PIP5K1C: variants seen among roughly 807,000 people sequenced by gnomAD.
PIP5K1C encodes phosphatidylinositol-4-phosphate 5-kinase type 1 gamma.
PIP5K1C carries 45 observed loss-of-function variants against 80.1 expected under a neutral mutation model. That is an observed-to-expected ratio of 0.56 (90% CI 0.44 to 0.72). PIP5K1C has a LOEUF of 0.72. PIP5K1C is among the 30% of genes least tolerant of loss of function. The probability of loss-of-function intolerance (pLI) is 0.00; values close to 1 mark genes in which losing one functional copy is unlikely to be tolerated. For missense variants in PIP5K1C, 753 were observed against 954.6 expected, an observed-to-expected ratio of 0.79 and a Z score of 2.78; for synonymous variants, 498 against 420.1, an observed-to-expected ratio of 1.19 and a Z score of -2.27.
chr19:3,673,261 C>T (rs1039249770), intron 1 of PIP5K1C, among the ~76,000 whole-genome samples: 4 of 152,262 alleles, frequency 2.6e-5, no homozygotes, highest in Admixed American at 6.5e-5. Flanking sequence ...GATTCCCTCA[C>T]GGTTTGTTCC....
At chr19:3,663,699 G>A (rs1299487037) in intron 3 of PIP5K1C, among the ~76,000 whole-genome samples, 4 of 152,206 alleles carry the variant, frequency 2.6e-5, no homozygotes, top group Admixed American at 2.6e-4. Flanking sequence ...TCACACCCAT[G>A]AGGACGCCAG....
At chr19:3,636,435 C>A (rs1173438020) in intron 16 of PIP5K1C, 14 of 985,338 alleles carry the variant, frequency 1.4e-5, no homozygotes, top group Non-Finnish European at 1.2e-6. Flanking sequence ...CCACCCTCCC[C>A]ACGTCTGCCC....
chr19:3,639,225 A>G (rs931581244), intron 15 of PIP5K1C, among the ~76,000 whole-genome samples: 1 of 152,164 alleles, frequency 6.6e-6, no homozygotes, highest in Non-Finnish European at 1.5e-5. Context: ...TGGCCCCAGG[A>G]GTGACCTGGA....
Position 3,637,888 on chromosome 19 carries a change from G to A in PIP5K1C, c.1920+996C>T, listed in dbSNP as rs923928447. 13 of 1,535,256 alleles carry A rather than the reference G, an allele frequency of 8.5e-6. No individual in the cohort carries two copies. In the African/African-American group the frequency reaches 1.4e-4, roughly 16 times the overall value. On this transcript the variant is annotated intron_variant, in intron 16 of 17. Transcript: ENST00000335312. The surrounding 1 kb of genome is among the most constrained non-coding windows in gnomAD (Gnocchi z 7.0). ...CCCCGTACCATCCGGAGACCAGGACGCGCACAAACCAGTCCCAGGAAAAGG... is the reference window on the plus strand; with the variant it reads ...CCCCGTACCATCCGGAGACCAGGACACGCACAAACCAGTCCCAGGAAAAGG...
At chr19:3,697,713 C>T (rs1179487516) in intron 1 of PIP5K1C, among the ~76,000 whole-genome samples, 1 of 152,134 alleles carries the variant, frequency 6.6e-6, no homozygotes, top group Non-Finnish European at 1.5e-5. Context: ...GGGGCAGGGG[C>T]AGGGATGGAG....
At chr19:3,643,064 C>T in intron 13 of PIP5K1C, 125 bp from the exon 14 acceptor site, 1 of 1,458,562 alleles carries the variant, frequency 6.9e-7, no homozygotes, top group Non-Finnish European at 9.6e-7. Context: ...ACATATGCTC[C>T]TCCCTCCCAC....
At chr19:3,656,640 C>T (rs1437606837) in intron 5 of PIP5K1C, 83 bp from the exon 6 acceptor site, 1 of 1,499,612 alleles carries the variant, frequency 6.7e-7, no homozygotes. Flanking sequence ...CCAACAGCCC[C>T]AGGAACTGAT....
intron 1 of PIP5K1C, among the ~76,000 whole-genome samples, chr19:3,668,841 G>A (rs761612968): frequency 5.3e-5 from 8 of 152,168 alleles, no homozygotes; most frequent in African/African-American, 9.7e-5. Flanking sequence ...CGTGGGAGCC[G>A]GAGGGAGTTC....
rs567858376 is a variant in PIP5K1C at position 3,695,287 on chromosome 19, G to A, written c.94+5010C>T. 9.9e-4 allele frequency among the ~76,000 whole-genome samples: 151 copies of A among 152,308 alleles called. 1 individual carries two copies. Among genetic ancestry groups the A allele is most frequent in the African/African-American group, 3.5e-3 (147 of 41,572 alleles). ...GCCGACTCCCATGGCGGACCCCAGC[G>A]CCCAGGTGAGCTCGCTTGGCACCTG... On this transcript the variant is annotated intron_variant, in intron 1 of 17. Transcript: ENST00000335312.
intron 1 of PIP5K1C, chr19:3,668,570 G>A (rs2035096059): frequency 6.6e-6 from 1 of 152,262 alleles, no homozygotes; most frequent in Non-Finnish European, 1.5e-5. Flanking sequence ...ACTTTAGCCT[G>A]GTGAGGCCCC....
In PIP5K1C at chr19:3,694,745, G is replaced by A. The variant is rs370133171; in HGVS notation, c.94+5552C>T. 2.2e-4 allele frequency among the ~76,000 whole-genome samples: 33 copies of A among 152,234 alleles called. 1 individual carries two copies. In the East Asian group the frequency reaches 4.4e-3, roughly 20 times the overall value. On this transcript the variant is annotated intron_variant, in intron 1 of 17. Coordinates refer to ENST00000335312, the MANE Select transcript of PIP5K1C (RefSeq NM_012398.3). ...GCGCGACTATTCCGCTGCCTACATC[G>A]CCTGAGCCACAGCCCACCCTTATTC...
chr19:3,658,762 T>C (rs1772543647), intron 5 of PIP5K1C, among the ~76,000 whole-genome samples: 1 of 152,154 alleles, frequency 6.6e-6, no homozygotes, highest in Admixed American at 6.5e-5. Context: ...ACGTTCGGCT[T>C]TGTACAAAGA....
intron 5 of PIP5K1C, among the ~76,000 whole-genome samples, chr19:3,658,305 CTG>C (rs1377749294): frequency 6.6e-6 from 1 of 152,244 alleles, no homozygotes; most frequent in Non-Finnish European, 1.5e-5. Context: ...CTGCCATGGC[CTG>C]GCTGGGAGTG....
intron 6 of PIP5K1C, among the ~76,000 whole-genome samples, chr19:3,655,723 G>A (rs887679340): frequency 6.6e-6 from 1 of 152,164 alleles, no homozygotes; most frequent in African/African-American, 2.4e-5. Context: ...GGATGGAGGA[G>A]GCCTCAAGGG....
Position 3,643,230 on chromosome 19 carries a change from A to T in PIP5K1C, c.1649+13T>A, listed in dbSNP as rs369536238. ...GATGCCCCGCCCACATGCACTGCGG[A>T]TGCCTCGCCCACCTGTACCGCGGCT... is the stretch of plus-strand genomic sequence containing the variant. On this transcript the variant is annotated intron_variant, in intron 13 of 17. Transcript: ENST00000335312. 6.2e-7 allele frequency: 1 copy of T among 1,612,734 alleles called. No individual in the cohort carries two copies. Among genetic ancestry groups the T allele is most frequent in the South Asian group, 1.1e-5 (1 of 91,078 alleles).
In PIP5K1C at chr19:3,700,412, G is replaced by A. The variant is rs1210245966; in HGVS notation, c.-22C>T. Reference sequence around the variant, plus strand: ...CCATGGCCGCGCGCGGACGGCGGCGGGGGCGCCCGAGGGGGACCCGAGCTG... The same window carrying A: ...CCATGGCCGCGCGCGGACGGCGGCGAGGGCGCCCGAGGGGGACCCGAGCTG... On this transcript the variant is annotated 5_prime_UTR_variant, in exon 1 of 18. Coordinates refer to ENST00000335312, the MANE Select transcript of PIP5K1C (RefSeq NM_012398.3). The A allele has an allele frequency of 4.6e-6, 5 of 1,089,684 alleles. No individual in the cohort carries two copies. The African/African-American group carries it at 6.8e-5, about 15-fold the overall frequency. The allele number at this position is 1,089,684 out of a possible 1,614,324, so 67.5% of individuals were successfully genotyped here.
intron 1 of PIP5K1C, among the ~76,000 whole-genome samples, chr19:3,698,085 G>A (rs1362231396): frequency 6.6e-6 from 1 of 152,260 alleles, no homozygotes; most frequent in Admixed American, 6.5e-5. Flanking sequence ...TGTCGGACAA[G>A]GCTCCCGCTG....
At chr19:3,655,804 G>A (rs1430663182) in intron 6 of PIP5K1C, among the ~76,000 whole-genome samples, 2 of 152,166 alleles carry the variant, frequency 1.3e-5, no homozygotes, top group Non-Finnish European at 2.9e-5. Context: ...CATGGAAGGC[G>A]CCCACCTCGT....
In PIP5K1C at chr19:3,637,913, G is replaced by C; in HGVS notation, c.1920+971C>G. 2 of 1,535,374 alleles carry C rather than the reference G, an allele frequency of 1.3e-6. No individual in the cohort carries two copies. The highest frequency in any genetic ancestry group is 2.4e-5 in the South Asian group (2 of 84,054). On this transcript the variant is annotated intron_variant, in intron 16 of 17. Transcript: ENST00000335312. This position sits in a 1 kb window ranked among gnomAD's most constrained non-coding sequence, Gnocchi z 7.0. ...GCGCACAAACCAGTCCCAGGAAAAG[G>C]GGTGACGACGTGCGGTGGGTAGGGG...
Sources: allele counts gnomAD v4.1 joint callset (sites outside exome capture counted in the v4.1 genomes callset), GRCh38; gene constraint gnomAD v4.1.1; non-coding constraint Gnocchi (gnomAD v3.1); transcripts MANE v1.5; gene names NCBI Gene and HGNC (gene_info 2026-07-23, HGNC 2026-07-21).